The following ADAMTSL1 variants were observed in gnomAD, a reference collection of about 807,000 sequenced individuals.
The protein encoded by ADAMTSL1 is ADAMTS-like protein 1.
In ADAMTSL1, 126 loss-of-function variants were observed where a neutral mutation model predicts 201.8. That is an observed-to-expected ratio of 0.62 (90% CI 0.54 to 0.72). The LOEUF is 0.72. Ranked by LOEUF, ADAMTSL1 falls within the 30% of genes least tolerant of loss-of-function variation. The pLI, the probability that ADAMTSL1 is intolerant of heterozygous loss-of-function variation, is 0.00. For missense variants in ADAMTSL1, 2,679 were observed against 2,277.8 expected, an observed-to-expected ratio of 1.18 and a Z score of -3.59; for synonymous variants, 1,121 against 903.4, an observed-to-expected ratio of 1.24 and a Z score of -4.32.
At position 18,488,110 on chromosome 9, in the gene ADAMTSL1, T is replaced by A. The variant is rs538809406; in HGVS notation, c.63+13815T>A. ...AGCAAAGCTAGGCTTAAGATTCAGATGCAGAAATACGATTATGGAACCCTC... is the reference window on the plus strand; with the variant it reads ...AGCAAAGCTAGGCTTAAGATTCAGAAGCAGAAATACGATTATGGAACCCTC... On this transcript the variant is annotated intron_variant, in intron 1 of 28. Coordinates refer to ENST00000380548, the MANE Select transcript of ADAMTSL1 (RefSeq NM_001040272.6). Among the ~76,000 whole-genome samples, 6 of 152,348 alleles carry A rather than the reference T, an allele frequency of 3.9e-5. No individual in the cohort carries two copies. The South Asian group carries it at 1.0e-3, about 26-fold the overall frequency.
At chr9:18,161,675 G>A (rs1313821559) in intron 1 of ADAMTSL1, among the ~76,000 whole-genome samples, 3 of 152,050 alleles carry the variant, frequency 2.0e-5, no homozygotes, top group Non-Finnish European at 4.4e-5. Context: ...AATTTTGAAT[G>A]CACCCAGCAA....
intron 2 of ADAMTSL1, among the ~76,000 whole-genome samples, chr9:18,355,088 GA>G (rs952796987): frequency 6.6e-5 from 10 of 151,624 alleles, no homozygotes; most frequent in Admixed American, 3.3e-4. Flanking sequence ...AGCAGATTTG[GA>G]AATCCCTAGT....
chr9:18,127,312 C>G (rs1309323139), intron 1 of ADAMTSL1, among the ~76,000 whole-genome samples: 1 of 152,086 alleles, frequency 6.6e-6, no homozygotes, highest in Non-Finnish European at 1.5e-5. Flanking sequence ...TTACACTGTA[C>G]TAGATCCCTG....
chr9:18,155,804 AG>A (rs1407406087), intron 1 of ADAMTSL1, among the ~76,000 whole-genome samples: 1 of 152,056 alleles, frequency 6.6e-6, no homozygotes, highest in African/African-American at 2.4e-5. Context: ...TGCAAACATT[AG>A]GTCTAGTCCA....
chr9:17,943,607 C>T (rs1234768774), intron 1 of ADAMTSL1, among the ~76,000 whole-genome samples: 3 of 152,020 alleles, frequency 2.0e-5, no homozygotes, highest in African/African-American at 7.2e-5. Flanking sequence ...GAATTTGAAC[C>T]ATTTTAGAAA....
In ADAMTSL1 at chr9:18,777,730, G is replaced by A; in HGVS notation, c.3501G>A (p.Leu1167=). The stretch of plus-strand genomic sequence containing the variant: ...GGCCACACCGCAAGCCCACCATCCT[G>A]CGCAAGATCTCAGCGGCCCAGCAGC... ...SRRPHRKPTI[L]RKISAAQQLS... The change falls in exon 19 of 29, where the codon CTG becomes CTA. Residue 1167 remains leucine, a synonymous_variant. Transcript: ENST00000380548. The A allele has an allele frequency of 6.2e-7, 1 of 1,613,610 alleles. No homozygotes were observed.
At chr9:17,960,623 AAG>A (rs1817707856) in intron 1 of ADAMTSL1, among the ~76,000 whole-genome samples, 1 of 152,210 alleles carries the variant, frequency 6.6e-6, no homozygotes, top group Non-Finnish European at 1.5e-5. Context: ...ATGGGTGGAT[AAG>A]AAAGCATGCA....
chr9:18,076,294 TC>T (rs879502388), intron 1 of ADAMTSL1, among the ~76,000 whole-genome samples: 6 of 152,270 alleles, frequency 3.9e-5, no homozygotes, highest in Admixed American at 6.5e-5. Flanking sequence ...ATTAATACAT[TC>T]TTCTGCACAT....
At chr9:17,926,064 A>G (rs1826513973) in intron 1 of ADAMTSL1, among the ~76,000 whole-genome samples, 1 of 152,134 alleles carries the variant, frequency 6.6e-6, no homozygotes. Context: ...AAATACCTGC[A>G]GATACGCTCC....
At chr9:18,727,431 T>C (rs1817955328) in intron 15 of ADAMTSL1, among the ~76,000 whole-genome samples, 1 of 152,242 alleles carries the variant, frequency 6.6e-6, no homozygotes, top group Non-Finnish European at 1.5e-5. Flanking sequence ...TTAATGCTGT[T>C]ACTACTGTCA....
chr9:18,811,918 AAAC>A (rs1563821574), intron 20 of ADAMTSL1, among the ~76,000 whole-genome samples: 1 of 152,214 alleles, frequency 6.6e-6, no homozygotes, highest in African/African-American at 2.4e-5. Context: ...TGTATCTCAG[AAAC>A]AACAAAACTC....
intron 1 of ADAMTSL1, among the ~76,000 whole-genome samples, chr9:18,019,368 T>G (rs1054410330): frequency 2.6e-5 from 4 of 152,036 alleles, no homozygotes; most frequent in African/African-American, 9.7e-5. Flanking sequence ...AAATAGCTTA[T>G]CAGCAAAGAT....
intron 2 of ADAMTSL1, among the ~76,000 whole-genome samples, chr9:18,301,495 C>T (rs1456261203): frequency 1.3e-5 from 2 of 152,050 alleles, no homozygotes; most frequent in African/African-American, 4.8e-5. Flanking sequence ...TGCCTAATAA[C>T]ATTTAATTTA....
chr9:18,791,235 A>T (rs924026303), intron 19 of ADAMTSL1, among the ~76,000 whole-genome samples: 1 of 152,140 alleles, frequency 6.6e-6, no homozygotes, highest in African/African-American at 2.4e-5. Context: ...GGTGCTTCCC[A>T]GAGAGCCCTG....
At chr9:18,556,417 A>G (rs1311464080) in intron 3 of ADAMTSL1, among the ~76,000 whole-genome samples, 2 of 152,008 alleles carry the variant, frequency 1.3e-5, no homozygotes, top group African/African-American at 2.4e-5. Context: ...TAATCATGCA[A>G]ATCTTACTCT....
chr9:18,130,902 C>T (rs1174675573), intron 1 of ADAMTSL1, among the ~76,000 whole-genome samples: 2 of 152,082 alleles, frequency 1.3e-5, no homozygotes, highest in African/African-American at 2.4e-5. Flanking sequence ...CTTTTCTGGA[C>T]TTTCTTGAAA....
intron 23 of ADAMTSL1, among the ~76,000 whole-genome samples, chr9:18,872,105 TC>T: frequency 6.6e-6 from 1 of 152,166 alleles, no homozygotes; most frequent in Middle Eastern, 3.4e-3. Context: ...CAGAATACCC[TC>T]CCCTTCCTAC....
chr9:18,867,455 C>T (rs1173830551), intron 23 of ADAMTSL1, among the ~76,000 whole-genome samples: 1 of 152,072 alleles, frequency 6.6e-6, no homozygotes. Flanking sequence ...ATGTGTTTTT[C>T]TTTTTATTAT....
chr9:18,779,572 C>T (rs761805621), intron 19 of ADAMTSL1, among the ~76,000 whole-genome samples: 6 of 152,202 alleles, frequency 3.9e-5, no homozygotes, highest in Non-Finnish European at 7.3e-5. Context: ...AGGCAGCATG[C>T]CCCAGAGCTT....
Sources: allele counts gnomAD v4.1 joint callset (sites outside exome capture counted in the v4.1 genomes callset), GRCh38; gene constraint gnomAD v4.1.1; transcripts MANE v1.5; gene names NCBI Gene and HGNC (gene_info 2026-07-23, HGNC 2026-07-21).